The following NRG2 variants were observed in gnomAD, a reference collection of about 807,000 sequenced individuals.
NRG2 encodes the protein pro-neuregulin-2, membrane-bound isoform.
Under a neutral mutation model 73.9 loss-of-function variants are expected in NRG2, and 27 were observed. That is an observed-to-expected ratio of 0.37 (90% CI 0.27 to 0.50). NRG2 has a LOEUF of 0.50. NRG2 is among the 20% of genes least tolerant of loss of function. The probability of loss-of-function intolerance (pLI) is 0.96; values close to 1 mark genes in which losing one functional copy is unlikely to be tolerated. For synonymous variants in NRG2, 532 were observed against 541.0 expected (o/e 0.98, Z 0.23); for missense variants, 1,126 against 1,210.1 (o/e 0.93, Z 1.03).
chr5:140,023,212 T>C (rs996531284), intron 1 of NRG2, among the ~76,000 whole-genome samples: 7 of 152,234 alleles, frequency 4.6e-5, no homozygotes, highest in Non-Finnish European at 1.0e-4. Flanking sequence ...TTTGTCTGTC[T>C]CTACAGATCC....
chr5:139,864,236 C>T (rs372974152), intron 5 of NRG2, among the ~76,000 whole-genome samples: 3 of 152,124 alleles, frequency 2.0e-5, no homozygotes, highest in Non-Finnish European at 4.4e-5. Context: ...AATCAATGGC[C>T]GGCCAGAGGC....
At chr5:139,990,009 T>C (rs13181741) in intron 1 of NRG2, among the ~76,000 whole-genome samples, 24,055 of 150,624 alleles carry the variant, frequency 0.16, 2,450 homozygotes, top group East Asian at 0.56. Flanking sequence ...AGGATGGTCT[T>C]GATCTCCTGA....
At chr5:139,882,380 A>C (rs1023544366) in intron 2 of NRG2, among the ~76,000 whole-genome samples, 2 of 152,190 alleles carry the variant, frequency 1.3e-5, no homozygotes, top group African/African-American at 4.8e-5. Flanking sequence ...GGGTGCTACA[A>C]GATGGTCTTG....
chr5:139,903,200 G>A (rs1445342045), intron 1 of NRG2, among the ~76,000 whole-genome samples: 1 of 152,156 alleles, frequency 6.6e-6, no homozygotes, highest in East Asian at 1.9e-4. Context: ...ACTCCAGTGA[G>A]GGGATAGAGA....
intron 1 of NRG2, among the ~76,000 whole-genome samples, chr5:140,029,202 G>A (rs1760939718): frequency 6.6e-6 from 1 of 152,224 alleles, no homozygotes; most frequent in African/African-American, 2.4e-5. Context: ...TACCACAATC[G>A]ATAACTGCCA....
chr5:139,920,694 G>A (rs1751593355), intron 1 of NRG2, among the ~76,000 whole-genome samples: 1 of 152,142 alleles, frequency 6.6e-6, no homozygotes, highest in South Asian at 2.1e-4. Context: ...GATTAATCAG[G>A]TTTAAAGAAG....
chr5:140,015,933 C>T (rs908310683), intron 1 of NRG2, among the ~76,000 whole-genome samples: 1 of 152,228 alleles, frequency 6.6e-6, no homozygotes, highest in African/African-American at 2.4e-5. Context: ...TCAACAAACA[C>T]ATCCCTTGTG....
At chr5:139,969,828 GCCTTTCCCGTCC>G (rs1458140051) in intron 1 of NRG2, among the ~76,000 whole-genome samples, 2 of 152,200 alleles carry the variant, frequency 1.3e-5, no homozygotes, top group Non-Finnish European at 2.9e-5. Flanking sequence ...AACACTATGT[GCCTTTCCCGTCC>G]TTACTGGAAC....
intron 1 of NRG2, among the ~76,000 whole-genome samples, chr5:139,969,636 A>C (rs770831269): frequency 6.6e-6 from 1 of 152,228 alleles, no homozygotes; most frequent in Admixed American, 6.5e-5. Context: ...ACCAATGTTT[A>C]TTGAATCAAC....
chr5:139,866,673 G>T (rs1247964279), intron 4 of NRG2, among the ~76,000 whole-genome samples: 1 of 152,114 alleles, frequency 6.6e-6, no homozygotes, highest in African/African-American at 2.4e-5. Context: ...CTCCATCACT[G>T]CCTGGACCTG....
At chr5:140,001,572 G>A (rs975610841) in intron 1 of NRG2, among the ~76,000 whole-genome samples, 4 of 151,970 alleles carry the variant, frequency 2.6e-5, no homozygotes, top group African/African-American at 9.7e-5. Context: ...CTAAATACTA[G>A]AGATGTGAGC....
At chr5:139,998,250 G>A (rs892262) in intron 1 of NRG2, among the ~76,000 whole-genome samples, 14,489 of 152,144 alleles carry the variant, frequency 0.095, 1,132 homozygotes, top group East Asian at 0.47. Flanking sequence ...ACTCTGGAAA[G>A]ATGAAAGACC....
At chr5:139,905,686 G>C (rs1026806887) in intron 1 of NRG2, among the ~76,000 whole-genome samples, 60 of 152,162 alleles carry the variant, frequency 3.9e-4, no homozygotes, top group African/African-American at 9.2e-4. Context: ...GCTCTGGTGG[G>C]GGGGGGGCAG....
At chr5:139,932,991 C>G (rs1752588463) in intron 1 of NRG2, among the ~76,000 whole-genome samples, 2 of 152,128 alleles carry the variant, frequency 1.3e-5, no homozygotes, top group Non-Finnish European at 2.9e-5. Flanking sequence ...AAAGTGAGAA[C>G]AGGCCGCACG....
At position 139,887,406 on chromosome 5, in the gene NRG2, C is replaced by A; in HGVS notation, c.806G>T (p.Arg269Leu). The A allele has an allele frequency of 6.2e-7, 1 of 1,614,224 alleles. No homozygotes were observed. Among genetic ancestry groups the A allele is most frequent in the Non-Finnish European group, 8.5e-7 (1 of 1,180,046 alleles). Residue 269 changes from arginine to leucine, a missense_variant, in exon 2 of 10, where the codon CGT becomes CTT. Arg to Leu is a moderately radical substitution (Grantham distance 102). Transcript: ENST00000361474. The surrounding 1 kb of genome is among the most constrained non-coding windows in gnomAD (Gnocchi z 4.5). The part of the protein sequence containing the change: ...AAAGNPQPSY[R>L]WFKDGKELNR... ...GAGCTCCTTGCCATCCTTGAACCAA[C>A]GGTAGGAAGGCTGGGGATTACCGGC...
chr5:139,981,804 A>T (rs1447660940), intron 1 of NRG2, among the ~76,000 whole-genome samples: 1 of 152,208 alleles, frequency 6.6e-6, no homozygotes, highest in African/African-American at 2.4e-5. Flanking sequence ...TTGTAGACAG[A>T]GGCTGGATCC....
intron 1 of NRG2, among the ~76,000 whole-genome samples, chr5:139,917,177 C>A (rs1203540989): frequency 1.3e-5 from 2 of 152,114 alleles, no homozygotes; most frequent in Admixed American, 1.3e-4. Context: ...AATTCACATA[C>A]CATACAATTC....
chr5:139,971,961 G>A (rs1461179359), intron 1 of NRG2, among the ~76,000 whole-genome samples: 1 of 152,074 alleles, frequency 6.6e-6, no homozygotes, highest in East Asian at 1.9e-4. Context: ...AAAAGAGAAC[G>A]TGCACTGCCA....
At chr5:139,936,622 T>C (rs2126400171) in intron 1 of NRG2, among the ~76,000 whole-genome samples, 1 of 152,176 alleles carries the variant, frequency 6.6e-6, no homozygotes, top group Non-Finnish European at 1.5e-5. Flanking sequence ...CTGCAGAAAA[T>C]AGAGGTCAAG....
Sources: gnomAD v4.1 joint callset for allele counts (sites outside exome capture counted in the v4.1 genomes callset) on GRCh38, gnomAD v4.1.1 for gene constraint, Gnocchi (gnomAD v3.1) non-coding constraint, MANE v1.5 for transcripts, NCBI Gene and HGNC (gene_info 2026-07-23, HGNC 2026-07-21) for gene names.